MKLN1: variants seen among roughly 807,000 people sequenced by gnomAD.
The protein encoded by MKLN1 is muskelin.
Under a neutral mutation model 99.0 loss-of-function variants are expected in MKLN1, and 18 were observed. The ratio of observed to expected loss-of-function variants is 0.18; its 90% confidence interval spans 0.13 to 0.27. The LOEUF is 0.27. Among genes scored for constraint, MKLN1 ranks in the 10% least tolerant of loss-of-function variants. The pLI is 1.00. For synonymous variants in MKLN1, 288 were observed against 293.2 expected (o/e 0.98, Z 0.18); for missense variants, 621 against 875.9 (o/e 0.71, Z 3.67).
chr7:131,113,037 G>A (rs1368834420), intron 1 of MKLN1, among the ~76,000 whole-genome samples: 4 of 152,160 alleles, frequency 2.6e-5, no homozygotes, highest in Non-Finnish European at 5.9e-5. Context: ...ATACAAAGAT[G>A]AATAAGACAC....
chr7:131,403,230 TAC>T (rs1794601321), intron 6 of MKLN1, among the ~76,000 whole-genome samples: 1 of 152,246 alleles, frequency 6.6e-6, no homozygotes, highest in Non-Finnish European at 1.5e-5. Context: ...ACTTTTATGT[TAC>T]AGAGGTGGCT....
At chr7:131,387,651 A>G (rs1342782527) in intron 3 of MKLN1, among the ~76,000 whole-genome samples, 1 of 152,218 alleles carries the variant, frequency 6.6e-6, no homozygotes. Flanking sequence ...CAGAAGCAAT[A>G]TTCTAGTGGT....
chr7:131,205,647 G>A (rs971378225), intron 3 of MKLN1, among the ~76,000 whole-genome samples: 2 of 152,124 alleles, frequency 1.3e-5, no homozygotes, highest in Non-Finnish European at 2.9e-5. Flanking sequence ...GGGCTCGGGG[G>A]AAGACTCTGC....
intron 1 of MKLN1, among the ~76,000 whole-genome samples, chr7:131,118,812 C>T (rs1795317431): frequency 6.6e-6 from 1 of 152,184 alleles, no homozygotes; most frequent in African/African-American, 2.4e-5. Flanking sequence ...CACTGACTAT[C>T]ACGAGAAGAA....
intron 1 of MKLN1, among the ~76,000 whole-genome samples, chr7:131,129,614 C>T (rs2116222094): frequency 6.6e-6 from 1 of 152,322 alleles, no homozygotes; most frequent in Non-Finnish European, 1.5e-5. Flanking sequence ...CTCTCTGTCA[C>T]CCAGGCTGGA....
At chr7:131,458,068 A>G (rs1796403630) in intron 12 of MKLN1, among the ~76,000 whole-genome samples, 1 of 152,246 alleles carries the variant, frequency 6.6e-6, no homozygotes, top group South Asian at 2.1e-4. Flanking sequence ...AGATTAAAGT[A>G]GAATTAAGAA....
chr7:131,449,273 T>C (rs1796108264), intron 12 of MKLN1, among the ~76,000 whole-genome samples: 1 of 152,220 alleles, frequency 6.6e-6, no homozygotes, highest in African/African-American at 2.4e-5. Flanking sequence ...AAAGTTGGTA[T>C]GAAACTAGGT....
intron 2 of MKLN1, among the ~76,000 whole-genome samples, chr7:131,173,842 T>A (rs898382952): frequency 4.6e-5 from 7 of 151,776 alleles, no homozygotes; most frequent in African/African-American, 1.5e-4. Flanking sequence ...AAAAAACAAA[T>A]CAAAACAAAA....
At position 131,443,534 on chromosome 7, in the gene MKLN1, G is replaced by A; in HGVS notation, c.1227G>A (p.Leu409=). Residue 409 remains leucine (L), a synonymous_variant, in exon 11 of 18, where the codon TTG becomes TTA. Transcript: ENST00000352689. ...TCTACACTTTTGGTGGTAGAATTTTGACTTGTAATGGCAGCGTAGATGACA... is the reference window on the plus strand; with the variant it reads ...TCTACACTTTTGGTGGTAGAATTTTAACTTGTAATGGCAGCGTAGATGACA... ...HMIYTFGGRI[L]TCNGSVDDSR... is the part of the protein sequence containing the mutation. 1 of 1,614,056 alleles carries A rather than the reference G, an allele frequency of 6.2e-7. No homozygotes were observed. The highest frequency in any genetic ancestry group is 8.5e-7 in the Non-Finnish European group (1 of 1,179,984).
Position 131,487,964 on chromosome 7 carries a change from A to T in MKLN1, c.*236A>T, listed in dbSNP as rs1797330761. 5.6e-6 allele frequency: 1 copy of T among 179,716 alleles called. No homozygotes were observed. Among genetic ancestry groups the T allele is most frequent in the Non-Finnish European group, 1.1e-5 (1 of 88,698 alleles). 11.1% of individuals were successfully genotyped at this position (179,716 alleles called of 1,614,324 possible). A position where few individuals can be genotyped will look rare whatever the true frequency, so the allele number is the denominator to read the frequency against. Reference sequence around the variant, plus strand: ...GTGAAATTGGTATACTTTCCAGTTAAATATATATATATATATATTTTTTCT... The same window carrying T: ...GTGAAATTGGTATACTTTCCAGTTATATATATATATATATATATTTTTTCT... On this transcript the variant is annotated 3_prime_UTR_variant, in exon 18 of 18. Coordinates refer to ENST00000352689, the MANE Select transcript of MKLN1 (RefSeq NM_013255.5). This position sits in a 1 kb window ranked among gnomAD's most constrained non-coding sequence, Gnocchi z 4.7.
At chr7:131,432,762 G>A (rs1584737085) in intron 9 of MKLN1, among the ~76,000 whole-genome samples, 2 of 152,044 alleles carry the variant, frequency 1.3e-5, no homozygotes, top group Admixed American at 1.3e-4. Context: ...TGGCATTTTT[G>A]TATAGTTTTC....
chr7:131,347,145 A>G (rs1209767129), intron 1 of MKLN1, among the ~76,000 whole-genome samples: 1 of 152,218 alleles, frequency 6.6e-6, no homozygotes, highest in Non-Finnish European at 1.5e-5. Flanking sequence ...CACCTTCTAC[A>G]TAATAATAGG....
At chr7:131,338,844 T>C (rs538517808) in intron 1 of MKLN1, among the ~76,000 whole-genome samples, 1 of 152,364 alleles carries the variant, frequency 6.6e-6, no homozygotes, top group South Asian at 2.1e-4. Context: ...TTTGCAGATC[T>C]ACTTACACGT....
At chr7:131,264,898 G>A (rs1797785320) in intron 3 of MKLN1, among the ~76,000 whole-genome samples, 1 of 152,068 alleles carries the variant, frequency 6.6e-6, no homozygotes, top group Non-Finnish European at 1.5e-5. Flanking sequence ...TAGTGCAGTG[G>A]TGCAATCTCG....
intron 1 of MKLN1, among the ~76,000 whole-genome samples, chr7:131,342,355 C>T (rs537706815): frequency 6.6e-6 from 1 of 152,274 alleles, no homozygotes; most frequent in African/African-American, 2.4e-5. Context: ...AATTAGCTCC[C>T]TGCCTTCATA....
At chr7:131,243,034 G>GA (rs984546340) in intron 3 of MKLN1, 11,029 of 436,312 alleles carry the variant, frequency 0.025, no homozygotes, top group South Asian at 0.036. Context: ...AAATTAAACA[G>GA]AAAAAAAAAA....
chr7:131,243,962 C>T (rs1457212174), intron 3 of MKLN1, among the ~76,000 whole-genome samples: 4 of 152,032 alleles, frequency 2.6e-5, no homozygotes, highest in Non-Finnish European at 5.9e-5. Flanking sequence ...TGAAGTGAGC[C>T]GAGCTGCACC....
At chr7:131,124,736 C>A (rs1584775481) in intron 1 of MKLN1, among the ~76,000 whole-genome samples, 1 of 152,126 alleles carries the variant, frequency 6.6e-6, no homozygotes, top group East Asian at 1.9e-4. Context: ...TTGTCTTGAA[C>A]CCCAGCCTAC....
chr7:131,281,997 T>C (rs543530201), intron 3 of MKLN1, among the ~76,000 whole-genome samples: 17 of 152,250 alleles, frequency 1.1e-4, no homozygotes, highest in Middle Eastern at 3.4e-3. Flanking sequence ...TTTTATCTTA[T>C]ACTCTTATCA....
Sources: allele counts gnomAD v4.1 joint callset (sites outside exome capture counted in the v4.1 genomes callset), GRCh38; gene constraint gnomAD v4.1.1; non-coding constraint Gnocchi (gnomAD v3.1); transcripts MANE v1.5; gene names NCBI Gene and HGNC (gene_info 2026-07-23, HGNC 2026-07-21).